The following DNAJC1 variants were observed in gnomAD, a reference collection of about 807,000 sequenced individuals.
The protein encoded by DNAJC1 is DnaJ heat shock protein family (Hsp40) member C1.
In DNAJC1, 58 loss-of-function variants were observed where a neutral mutation model predicts 76.6. That is an observed-to-expected ratio of 0.76 (90% CI 0.61 to 0.94). DNAJC1 has a LOEUF of 0.94. DNAJC1 is among the 40% of genes least tolerant of loss of function. The pLI is 0.00. For synonymous variants in DNAJC1, 258 were observed against 267.9 expected, an observed-to-expected ratio of 0.96 and a Z score of 0.36; for missense variants, 689 against 677.3, an observed-to-expected ratio of 1.02 and a Z score of -0.19.
chr10:21,859,716 T>C (rs1384520061), intron 8 of DNAJC1, among the ~76,000 whole-genome samples: 1 of 152,180 alleles, frequency 6.6e-6, no homozygotes, highest in East Asian at 1.9e-4. Context: ...TGAGATCTTT[T>C]AGATTATAAA....
At chr10:21,786,454 ATATATAT>A (rs1286245602) in intron 9 of DNAJC1, among the ~76,000 whole-genome samples, 2 of 118,048 alleles carry the variant, frequency 1.7e-5, no homozygotes, top group African/African-American at 7.0e-5. Flanking sequence ...ATATATATAT[ATATATAT>A]ATAGAGAGAG....
Position 21,834,233 on chromosome 10 carries a change from C to T in DNAJC1, c.979-28134G>A, listed in dbSNP as rs1367233791. On this transcript the variant is annotated intron_variant, in intron 8 of 11. Transcript: ENST00000376980. ...GAGCTGAGATCGTGCCACTGCACTC[C>T]AGCCTGGGCGACAGAGCAAGACTCC... 2.0e-5 allele frequency among the ~76,000 whole-genome samples: 3 copies of T among 151,802 alleles called. No homozygotes were observed. In the East Asian group the frequency reaches 5.9e-4, roughly 30 times the overall value.
intron 9 of DNAJC1, among the ~76,000 whole-genome samples, chr10:21,770,525 G>A (rs563601378): frequency 6.6e-6 from 1 of 151,102 alleles, no homozygotes; most frequent in Non-Finnish European, 1.5e-5. Flanking sequence ...AGCCTCACAA[G>A]TAACTGGGAC....
At chr10:21,845,818 T>C (rs1487180603) in intron 8 of DNAJC1, among the ~76,000 whole-genome samples, 1 of 152,114 alleles carries the variant, frequency 6.6e-6, no homozygotes, top group African/African-American at 2.4e-5. Context: ...GTACATAAAA[T>C]ATACAACAAT....
At chr10:21,910,463 A>G (rs1240508155) in intron 6 of DNAJC1, among the ~76,000 whole-genome samples, 3 of 152,160 alleles carry the variant, frequency 2.0e-5, no homozygotes, top group Non-Finnish European at 4.4e-5. Flanking sequence ...CTAAGGTGGC[A>G]CTGTTTATAA....
intron 6 of DNAJC1, among the ~76,000 whole-genome samples, chr10:21,912,765 C>T (rs1462948092): frequency 6.6e-6 from 1 of 151,890 alleles, no homozygotes; most frequent in Admixed American, 6.6e-5. Context: ...GCTTTTTTTC[C>T]TGCTAATTAG....
intron 1 of DNAJC1, among the ~76,000 whole-genome samples, chr10:21,996,741 T>C (rs1192686321): frequency 6.6e-6 from 1 of 152,196 alleles, no homozygotes. Context: ...CAGCTCTAGA[T>C]TATATGTGGC....
chr10:21,961,536 G>A (rs564633423), intron 1 of DNAJC1, among the ~76,000 whole-genome samples: 1 of 152,242 alleles, frequency 6.6e-6, no homozygotes, highest in Admixed American at 6.5e-5. Context: ...AATCCATAGA[G>A]ACAGAAAGTG....
Position 21,756,771 on chromosome 10 carries a change from AAGAG to A in DNAJC1, c.1597-20_1597-17del. 1 of 1,611,350 alleles carries A rather than the reference AAGAG, an allele frequency of 6.2e-7. No individual in the cohort carries two copies. Among genetic ancestry groups the A allele is most frequent in the East Asian group, 2.2e-5 (1 of 44,874 alleles). ...TACAGTCTTCCTGTAGGAAGAAAAAAAGAGAGGTGAGAACAGTCACTTGCACAAG... is the reference window on the plus strand; with the variant it reads ...TACAGTCTTCCTGTAGGAAGAAAAAAAGGTGAGAACAGTCACTTGCACAAG... On this transcript the variant is annotated splice_polypyrimidine_tract_variant and intron_variant, in intron 11 of 11. Coordinates refer to ENST00000376980, the MANE Select transcript of DNAJC1 (RefSeq NM_022365.4).
intron 9 of DNAJC1, among the ~76,000 whole-genome samples, chr10:21,794,796 G>T (rs1351189262): frequency 1.3e-5 from 2 of 152,016 alleles, no homozygotes; most frequent in African/African-American, 2.4e-5. Flanking sequence ...CACAGTGGGA[G>T]AACATATTTG....
intron 1 of DNAJC1, 37 bp downstream of exon 1, chr10:22,003,176 C>A (rs564493152): frequency 6.8e-7 from 1 of 1,472,628 alleles, no homozygotes; most frequent in South Asian, 1.4e-5. Flanking sequence ...CCTGCCCTGG[C>A]CCCTCTCCGC....
intron 6 of DNAJC1, among the ~76,000 whole-genome samples, chr10:21,907,752 G>C (rs1008661641): frequency 6.6e-6 from 1 of 151,500 alleles, no homozygotes. Flanking sequence ...CCAGGTGGGC[G>C]GATCACTTGA....
intron 8 of DNAJC1, among the ~76,000 whole-genome samples, chr10:21,819,592 T>G (rs1484271870): frequency 6.6e-6 from 1 of 152,184 alleles, no homozygotes; most frequent in Non-Finnish European, 1.5e-5. Flanking sequence ...TCACATTTTG[T>G]GCATTTGATA....
chr10:21,919,758 A>C, intron 5 of DNAJC1, 74 bp downstream of exon 5: 1 of 997,426 alleles, frequency 1.0e-6, no homozygotes, highest in Non-Finnish European at 1.5e-6. Flanking sequence ...ATAGACATAC[A>C]TATGAAGTTG....
chr10:21,890,369 C>T (rs573452589), intron 7 of DNAJC1, among the ~76,000 whole-genome samples: 13 of 149,538 alleles, frequency 8.7e-5, no homozygotes, highest in African/African-American at 1.7e-4. Flanking sequence ...GCCAAGATCA[C>T]GCCACTGCAC....
chr10:21,942,488 T>A (rs1237167432), intron 1 of DNAJC1, among the ~76,000 whole-genome samples: 1 of 152,114 alleles, frequency 6.6e-6, no homozygotes, highest in South Asian at 2.1e-4. Flanking sequence ...GGTGTTTATG[T>A]TTACAAATAT....
chr10:21,867,762 T>A (rs923538985), intron 8 of DNAJC1, among the ~76,000 whole-genome samples: 6 of 152,092 alleles, frequency 3.9e-5, no homozygotes, highest in African/African-American at 1.4e-4. Flanking sequence ...TTCAGGAACA[T>A]CCATATTTAG....
intron 9 of DNAJC1, among the ~76,000 whole-genome samples, chr10:21,767,583 T>A (rs936656534): frequency 6.6e-6 from 1 of 152,184 alleles, no homozygotes. Flanking sequence ...CCACTGCACT[T>A]GGCTTTCTTT....
At chr10:21,893,829 G>A (rs1002999102) in intron 7 of DNAJC1, among the ~76,000 whole-genome samples, 4 of 151,590 alleles carry the variant, frequency 2.6e-5, no homozygotes, top group Admixed American at 2.6e-4. Flanking sequence ...AAAAATAAGA[G>A]CAGAAATCAA....
Sources: allele counts gnomAD v4.1 joint callset (sites outside exome capture counted in the v4.1 genomes callset), GRCh38; gene constraint gnomAD v4.1.1; transcripts MANE v1.5; gene names NCBI Gene and HGNC (gene_info 2026-07-23, HGNC 2026-07-21).